The following USF3 variants were observed in gnomAD, a reference collection of about 807,000 sequenced individuals.
The protein encoded by USF3 is upstream transcription factor family member 3.
A neutral mutation model predicts 157.5 loss-of-function variants in USF3; 29 were observed. That is an observed-to-expected ratio of 0.18 (90% CI 0.14 to 0.25). The LOEUF (loss-of-function observed/expected upper bound fraction) is 0.25. Among genes scored for constraint, USF3 ranks in the 10% least tolerant of loss-of-function variants. The pLI, the probability that USF3 is intolerant of heterozygous loss-of-function variation, is 1.00. For missense variants in USF3, 2,381 were observed against 2,667.6 expected (o/e 0.89, Z 2.37); for synonymous variants, 893 against 941.4 (o/e 0.95, Z 0.94).
chr3:113,686,373 C>T (rs1364299331), intron 1 of USF3, among the ~76,000 whole-genome samples: 1 of 152,168 alleles, frequency 6.6e-6, no homozygotes, highest in African/African-American at 2.4e-5. Context: ...GTGGTGTAGG[C>T]AATTCAAGGC....
At chr3:113,663,170 T>G (rs948062573) in intron 6 of USF3, among the ~76,000 whole-genome samples, 3 of 152,006 alleles carry the variant, frequency 2.0e-5, no homozygotes, top group African/African-American at 7.2e-5. Context: ...CAAACACAGA[T>G]TTAGGCTGCC....
At chr3:113,677,617 T>TA (rs1408401353) in intron 1 of USF3, among the ~76,000 whole-genome samples, 1 of 152,218 alleles carries the variant, frequency 6.6e-6, no homozygotes, top group Non-Finnish European at 1.5e-5. Context: ...ATGGTAGTCT[T>TA]ACAGCCAACG....
rs1165578747 is a variant in USF3 at position 113,657,782 on chromosome 3, T to C, written c.3900A>G (p.Leu1300=). The C allele has an allele frequency of 1.2e-6, 2 of 1,614,056 alleles. No homozygotes were observed. Among genetic ancestry groups the C allele is most frequent in the East Asian group, 4.5e-5 (2 of 44,890 alleles). ...TTGGTATGGTACTAGTCATAGTATT[T>C]AGCTGTTCTTGGGAATATTCAGTCA... The part of the protein sequence containing the change: ...SLMTEYSQEQ[L]NTMTSTIPNS... Residue 1300 remains leucine, a synonymous_variant, in exon 7 of 7, where the codon CTA becomes CTG. Coordinates refer to ENST00000316407, the MANE Select transcript of USF3 (RefSeq NM_001009899.4).
Position 113,658,862 on chromosome 3 carries a change from T to C in USF3, c.2820A>G (p.Ser940=). Residue 940 remains serine (S), a synonymous_variant, in exon 7 of 7, where the codon TCA becomes TCG. Coordinates refer to ENST00000316407, the MANE Select transcript of USF3 (RefSeq NM_001009899.4). ...ALSDAAKPCA[S]ANVLIPSPSD... ...TTGGAGATGGAATCAATACATTGGC[T>C]GAAGCGCAGGGTTTGGCAGCATCTG... The C allele has an allele frequency of 1.9e-6, 3 of 1,614,208 alleles. No homozygotes were observed. The highest frequency in any genetic ancestry group is 1.1e-5 in the South Asian group (1 of 91,090).
In USF3 at chr3:113,659,747, C is replaced by T. The variant is rs192557804; in HGVS notation, c.1935G>A (p.Ala645=). Reference sequence around the variant, plus strand: ...CAGAAAAAGTTTGTGTTGAGTTAGACGCTGATAAAGATGAAGGTCTTGGTA... The same window carrying T: ...CAGAAAAAGTTTGTGTTGAGTTAGATGCTGATAAAGATGAAGGTCTTGGTA... ...HILPRPSSLS[A]SNSTQTFSVT... is the part of the protein sequence containing the mutation. The change falls in exon 7 of 7, where the codon GCG becomes GCA. Residue 645 remains alanine (A), a synonymous_variant. Coordinates refer to ENST00000316407, the MANE Select transcript of USF3 (RefSeq NM_001009899.4). The T allele has an allele frequency of 8.6e-4, 1,393 of 1,614,184 alleles. 2 individuals are homozygous for T. Among genetic ancestry groups the T allele is most frequent in the African/African-American group, 3.4e-3 (254 of 75,040 alleles).
chr3:113,660,180 C>T lies in USF3; in HGVS notation c.1502G>A (p.Cys501Tyr). The T allele has an allele frequency of 1.2e-6, 2 of 1,614,146 alleles. No homozygotes were observed. Among genetic ancestry groups the T allele is most frequent in the Non-Finnish European group, 1.7e-6 (2 of 1,180,024 alleles). Residue 501 changes from cysteine (C) to tyrosine (Y), a missense_variant, in exon 7 of 7, where the codon TGT (cysteine) becomes TAT (tyrosine). Coordinates refer to ENST00000316407, the MANE Select transcript of USF3 (RefSeq NM_001009899.4). The part of the protein sequence containing the change: ...VEQVVVTLPS[C>Y]PSLPMQPLIA... ...TAGTGGCTGCATAGGTAAAGATGGA[C>T]AAGAAGGCAATGTTACAACTACTTG...
In USF3 at chr3:113,652,657, TA is replaced by T. The variant is rs200606109; in HGVS notation, c.*2286del. The T allele has an allele frequency of 1.1e-4, 16 of 139,442 alleles. No homozygotes were observed. Among genetic ancestry groups the T allele is most frequent in the South Asian group, 2.5e-4 (1 of 3,936 alleles). The allele number at this position is 139,442 out of a possible 1,614,324, so 8.6% of individuals were successfully genotyped here. ...CAACCCTTAGGAAGCTTTTTAGGAT[TA>T]AAAAAAAAGGGGGGGGCCTGGGAGG... is the stretch of plus-strand genomic sequence containing the variant. On this transcript the variant is annotated 3_prime_UTR_variant, in exon 7 of 7. Transcript: ENST00000316407.
intron 4 of USF3, among the ~76,000 whole-genome samples, chr3:113,671,981 C>T (rs986528016): frequency 3.3e-5 from 5 of 151,558 alleles, no homozygotes; most frequent in Non-Finnish European, 4.4e-5. Context: ...ATGTTGCCCA[C>T]GCTGGTTTTG....
Position 113,661,035 on chromosome 3 carries a change from G to T in USF3, c.647C>A (p.Ala216Glu), listed in dbSNP as rs766580027. 6.2e-7 allele frequency: 1 copy of T among 1,614,196 alleles called. No individual in the cohort carries two copies. Among genetic ancestry groups the T allele is most frequent in the East Asian group, 2.2e-5 (1 of 44,888 alleles). ...AGGAACAGGCTGGTTGGTAGCCAAT[G>T]CAGGAACTGTGGTCTGATGCCATGG... ...NKPWHQTTVP[A>E]LATNQPVPLC... The change falls in exon 7 of 7, where the codon GCA (alanine) becomes GAA (glutamate). Residue 216 changes from alanine (A) to glutamate (E), a missense_variant. Ala to Glu is a moderately radical substitution (Grantham distance 107). Around this residue, in one of 6 missense-constraint regions of USF3, gnomAD observed 1,435 missense variants for 1,550.9 expected, o/e 0.93. Coordinates refer to ENST00000316407, the MANE Select transcript of USF3 (RefSeq NM_001009899.4).
rs551286986 is a variant in USF3 at position 113,695,687 on chromosome 3, G to A, written c.-135+683C>T. Among the ~76,000 whole-genome samples, 3 of 152,314 alleles carry A rather than the reference G, an allele frequency of 2.0e-5. No homozygotes were observed. The South Asian group carries it at 6.2e-4, about 32-fold the overall frequency. On this transcript the variant is annotated intron_variant, in intron 1 of 6. Coordinates refer to ENST00000316407, the MANE Select transcript of USF3 (RefSeq NM_001009899.4). ...AAAGGACCATATCCCAATGTAACGAGGAGGGTTGGGAGGACAAGCTTCAAG... is the reference window on the plus strand; with the variant it reads ...AAAGGACCATATCCCAATGTAACGAAGAGGGTTGGGAGGACAAGCTTCAAG...
chr3:113,679,535 T>C (rs1196898866), intron 1 of USF3, among the ~76,000 whole-genome samples: 3 of 151,114 alleles, frequency 2.0e-5, no homozygotes, highest in Non-Finnish European at 4.4e-5. Context: ...TGCTTCAGCC[T>C]ACCTAGTAGC....
chr3:113,656,683 T>G lies in USF3; in HGVS notation c.4999A>C (p.Ser1667Arg). 6.2e-7 allele frequency: 1 copy of G among 1,614,174 alleles called. No homozygotes were observed. Among genetic ancestry groups the G allele is most frequent in the Non-Finnish European group, 8.5e-7 (1 of 1,180,022 alleles). Residue 1667 changes from serine to arginine, a missense_variant, in exon 7 of 7, where the codon AGT becomes CGT. By Grantham distance (110) the Ser-to-Arg change is moderately radical (BLOSUM62 -1). This residue lies in a region of USF3 where 770 missense variants were observed against 824.2 expected (regional missense o/e 0.93). Coordinates refer to ENST00000316407, the MANE Select transcript of USF3 (RefSeq NM_001009899.4). ...PHRPERNRVSSYSAEALIGKT... is the reference protein window; with the variant it reads ...PHRPERNRVSRYSAEALIGKT... The stretch of plus-strand genomic sequence containing the variant: ...CCAATGAGTGCCTCAGCAGAATAAC[T>G]TGAAACTCTATTTCTCTCTGGCCTG...
At chr3:113,676,902 C>T (rs1021658702) in intron 2 of USF3, among the ~76,000 whole-genome samples, 3 of 152,054 alleles carry the variant, frequency 2.0e-5, no homozygotes, top group East Asian at 1.9e-4. Flanking sequence ...TGGATTGTTC[C>T]GAGCAGGGAA....
Position 113,661,064 on chromosome 3 carries a change from G to C in USF3, c.618C>G (p.Asn206Lys), listed in dbSNP as rs1461948287. Residue 206 changes from asparagine (N) to lysine (K), a missense_variant, in exon 7 of 7, where the codon AAC becomes AAG. Coordinates refer to ENST00000316407, the MANE Select transcript of USF3 (RefSeq NM_001009899.4). ...VSISGVYPSE[N>K]KPWHQTTVPA... is the part of the protein sequence containing the mutation. Reference sequence around the variant, plus strand: ...GAACTGTGGTCTGATGCCATGGCTTGTTTTCAGAAGGGTAAACTCCAGAAA... The same window carrying C: ...GAACTGTGGTCTGATGCCATGGCTTCTTTTCAGAAGGGTAAACTCCAGAAA... 6.2e-7 allele frequency: 1 copy of C among 1,614,064 alleles called. No homozygotes were observed. The highest frequency in any genetic ancestry group is 1.3e-5 in the African/African-American group (1 of 74,904).
rs1193558078 is a variant in USF3 at position 113,656,668 on chromosome 3, C to A, written c.5014G>T (p.Ala1672Ser). The A allele has an allele frequency of 3.1e-6, 5 of 1,614,024 alleles. No individual in the cohort carries two copies. Among genetic ancestry groups the A allele is most frequent in the Non-Finnish European group, 4.2e-6 (5 of 1,180,012 alleles). Residue 1672 changes from alanine (A) to serine (S), a missense_variant, in exon 7 of 7, where the codon GCA becomes TCA. Physicochemically the swap from Ala to Ser is moderately conservative, Grantham distance 99. Transcript: ENST00000316407. ...TTAGAAGATGTCTTTCCAATGAGTG[C>A]CTCAGCAGAATAACTTGAAACTCTA... is the stretch of plus-strand genomic sequence containing the variant. The part of the protein sequence containing the change: ...RNRVSSYSAE[A>S]LIGKTSSNSE...
At chr3:113,677,757 A>C (rs1008881437) in intron 1 of USF3, among the ~76,000 whole-genome samples, 1 of 152,224 alleles carries the variant, frequency 6.6e-6, no homozygotes, top group South Asian at 2.1e-4. Flanking sequence ...CAATTCTAAA[A>C]TTATCTTTCC....
chr3:113,656,886 T>C lies in USF3; in HGVS notation c.4796A>G (p.Asp1599Gly). ...HNHPQNHLNQ[D>G]IMHQQQDVGS... ...AACATCCTGCTGTTGGTGCATAATATCTTGATTGAGATGGTTCTGGGGATG... is the reference window on the plus strand; with the variant it reads ...AACATCCTGCTGTTGGTGCATAATACCTTGATTGAGATGGTTCTGGGGATG... The change falls in exon 7 of 7, where the codon GAT becomes GGT. Residue 1599 changes from aspartate (D) to glycine (G), a missense_variant. Asp to Gly is a moderately conservative substitution (Grantham distance 94). Transcript: ENST00000316407. The C allele has an allele frequency of 6.2e-7, 1 of 1,614,208 alleles. No individual in the cohort carries two copies. Among genetic ancestry groups the C allele is most frequent in the Non-Finnish European group, 8.5e-7 (1 of 1,180,040 alleles).
chr3:113,664,256 C>A, intron 6 of USF3, 57 bp downstream of exon 6: 1 of 1,138,626 alleles, frequency 8.8e-7, no homozygotes, highest in Non-Finnish European at 1.3e-6. Flanking sequence ...TTCACTGTGA[C>A]ACAAACACCT....
chr3:113,690,206 T>C (rs1312160018), intron 1 of USF3, among the ~76,000 whole-genome samples: 1 of 152,214 alleles, frequency 6.6e-6, no homozygotes, highest in Admixed American at 6.5e-5. Flanking sequence ...CTTCATATCT[T>C]CTCACCAAAT....
Sources: gnomAD v4.1 joint callset for allele counts (sites outside exome capture counted in the v4.1 genomes callset) on GRCh38, gnomAD v4.1.1 for gene constraint, gnomAD v4.1.1 regional missense constraint, MANE v1.5 for transcripts, NCBI Gene and HGNC (gene_info 2026-07-23, HGNC 2026-07-21) for gene names.